Variants in PCDH15 observed in about 807,000 individuals in gnomAD.
PCDH15 encodes protocadherin-15.
A neutral mutation model predicts 178.5 loss-of-function variants in PCDH15; 129 were observed. The ratio of observed to expected loss-of-function variants is 0.72; its 90% CI spans 0.63 to 0.84. The LOEUF is 0.84. Ranked by LOEUF, PCDH15 falls within the 40% of genes least tolerant of loss-of-function variation. PCDH15 has a pLI of 0.00. For synonymous variants in PCDH15, 800 were observed against 732.0 expected, an observed-to-expected ratio of 1.09 and a Z score of -1.50; for missense variants, 2,230 against 2,099.9, an observed-to-expected ratio of 1.06 and a Z score of -1.21.
chr10:55,075,610 G>T (rs927435217), intron 2 of PCDH15, among the ~76,000 whole-genome samples: 1 of 151,908 alleles, frequency 6.6e-6, no homozygotes, highest in Non-Finnish European at 1.5e-5. Context: ...TGATCTAGCC[G>T]CCTCAGGCTC....
chr10:55,444,730 A>C (rs1839277356), intron 2 of PCDH15, among the ~76,000 whole-genome samples: 2 of 152,278 alleles, frequency 1.3e-5, no homozygotes, highest in South Asian at 4.1e-4. Flanking sequence ...AGTATTGTCA[A>C]GTATTCTCAT....
intron 21 of PCDH15, among the ~76,000 whole-genome samples, chr10:53,973,651 T>C (rs1384359099): frequency 6.6e-6 from 1 of 152,184 alleles, no homozygotes; most frequent in Non-Finnish European, 1.5e-5. Context: ...TGTTCTCTAT[T>C]TAGGTTTAGA....
intron 2 of PCDH15, among the ~76,000 whole-genome samples, chr10:55,011,080 A>T (rs1840035981): frequency 6.6e-6 from 1 of 150,894 alleles, no homozygotes; most frequent in Non-Finnish European, 1.5e-5. Context: ...GAGAGTAAAC[A>T]CAAATAATCT....
At chr10:54,338,811 T>A (rs1941689747) in intron 6 of PCDH15, among the ~76,000 whole-genome samples, 1 of 152,056 alleles carries the variant, frequency 6.6e-6, no homozygotes, top group African/African-American at 2.4e-5. Flanking sequence ...CTCCTCCTTA[T>A]CACTTTAGGT....
rs1462579553 is a variant in PCDH15, at chr10:54,062,247, AAAAAACAAAAAAC to A, written c.2220+4497_2220+4509del. 2.1e-3 allele frequency among the ~76,000 whole-genome samples: 259 copies of A among 125,680 alleles called. 5 individuals are homozygous for A. Among genetic ancestry groups the A allele is most frequent in the Middle Eastern group, 8.1e-3 (2 of 248 alleles). The allele number at this position is 125,680 out of a possible 152,430, so 82.5% of individuals were successfully genotyped here. On this transcript the variant is annotated intron_variant, in intron 18 of 37. Coordinates refer to ENST00000644397, the MANE Select transcript of PCDH15 (RefSeq NM_001384140.1). ...TGTCTCAAAAAAAAAAAAAAAAAAA[AAAAAACAAAAAAC>A]AACTAAATGAAAACTCCCTTCAGCA...
intron 2 of PCDH15, among the ~76,000 whole-genome samples, chr10:55,001,296 C>A (rs184953138): frequency 1.3e-5 from 2 of 152,120 alleles, no homozygotes; most frequent in African/African-American, 4.8e-5. Flanking sequence ...TTCCCGGATG[C>A]GGGACAAGAA....
chr10:54,818,463 G>A (rs1051815374), intron 3 of PCDH15, among the ~76,000 whole-genome samples: 3 of 151,960 alleles, frequency 2.0e-5, no homozygotes, highest in African/African-American at 7.2e-5. Context: ...ATGCTGGTTT[G>A]TTATTCTGAA....
intron 5 of PCDH15, among the ~76,000 whole-genome samples, chr10:54,354,613 T>C (rs1013327640): frequency 6.6e-6 from 1 of 152,180 alleles, no homozygotes; most frequent in Non-Finnish European, 1.5e-5. Context: ...CCAGTGATTT[T>C]TATTCCTTGA....
chr10:55,032,627 A>C (rs900214015), intron 2 of PCDH15, among the ~76,000 whole-genome samples: 1 of 152,210 alleles, frequency 6.6e-6, no homozygotes, highest in Non-Finnish European at 1.5e-5. Context: ...GGCCACATAA[A>C]CAATGAAAAT....
chr10:54,182,053 G>A (rs898624186), intron 13 of PCDH15, among the ~76,000 whole-genome samples: 3 of 152,108 alleles, frequency 2.0e-5, no homozygotes, highest in Non-Finnish European at 2.9e-5. Flanking sequence ...CACCTCCTGG[G>A]TTCAAGCAAT....
At chr10:54,402,371 C>A (rs1208350614) in intron 3 of PCDH15, among the ~76,000 whole-genome samples, 1 of 151,896 alleles carries the variant, frequency 6.6e-6, no homozygotes, top group African/African-American at 2.4e-5. Flanking sequence ...AAGCAAGGAT[C>A]AATGACATAT....
At chr10:54,868,247 T>C (rs1180057637) in intron 3 of PCDH15, among the ~76,000 whole-genome samples, 3 of 152,180 alleles carry the variant, frequency 2.0e-5, no homozygotes, top group Non-Finnish European at 4.4e-5. Flanking sequence ...AAATTATAGA[T>C]GTAGATTATT....
At chr10:53,917,208 G>T (rs1485748285) in intron 25 of PCDH15, among the ~76,000 whole-genome samples, 1 of 152,076 alleles carries the variant, frequency 6.6e-6, no homozygotes, top group Non-Finnish European at 1.5e-5. Context: ...TTCAAAAGCT[G>T]AGAGTTCAAG....
At chr10:54,601,712 T>C (rs139734101) in intron 2 of PCDH15, among the ~76,000 whole-genome samples, 1 of 152,032 alleles carries the variant, frequency 6.6e-6, no homozygotes, top group African/African-American at 2.4e-5. Context: ...AGGAATATGA[T>C]TGATGTATTA....
chr10:54,361,602 A>G (rs1269542189), intron 5 of PCDH15, among the ~76,000 whole-genome samples: 2 of 152,008 alleles, frequency 1.3e-5, no homozygotes, highest in African/African-American at 4.8e-5. Flanking sequence ...TTCCATTATT[A>G]TACAGGTAGG....
chr10:54,245,005 G>A (rs2055780119), intron 8 of PCDH15, among the ~76,000 whole-genome samples: 1 of 152,114 alleles, frequency 6.6e-6, no homozygotes, highest in Non-Finnish European at 1.5e-5. Flanking sequence ...GACTGTTTTT[G>A]TGATGACTTC....
intron 2 of PCDH15, among the ~76,000 whole-genome samples, chr10:55,009,938 A>G (rs1302963557): frequency 6.6e-6 from 1 of 152,162 alleles, no homozygotes; most frequent in Non-Finnish European, 1.5e-5. Context: ...AAATGTGCTG[A>G]TGTTTCTTTT....
intron 2 of PCDH15, among the ~76,000 whole-genome samples, chr10:55,377,086 A>G (rs1403369245): frequency 1.3e-5 from 2 of 151,382 alleles, no homozygotes; most frequent in Non-Finnish European, 2.9e-5. Flanking sequence ...ATATTGGGCA[A>G]TTGTGCCAGG....
At chr10:54,853,262 A>AAT (rs1232575256) in intron 3 of PCDH15, among the ~76,000 whole-genome samples, 43 of 140,824 alleles carry the variant, frequency 3.1e-4, no homozygotes, top group Non-Finnish European at 3.8e-4. Context: ...CTCTGTCTCA[A>AAT]ATATATATAT....
Sources: allele counts gnomAD v4.1 joint callset (sites outside exome capture counted in the v4.1 genomes callset), GRCh38; gene constraint gnomAD v4.1.1; transcripts MANE v1.5; gene names NCBI Gene and HGNC (gene_info 2026-07-23, HGNC 2026-07-21).